DENND4C: variants seen among roughly 807,000 people sequenced by gnomAD.
The protein encoded by DENND4C is DENN domain containing 4C, also known as DENN domain-containing protein 4C.
DENND4C carries 108 observed loss-of-function variants against 203.0 expected under a neutral mutation model. The observed-to-expected ratio is 0.53, with a 90% confidence interval of 0.46 to 0.62. The LOEUF is 0.62. Among genes scored for constraint, DENND4C ranks in the 20% least tolerant of loss-of-function variants. The probability of loss-of-function intolerance (pLI) is 0.00; values close to 1 mark genes in which losing one functional copy is unlikely to be tolerated. For missense variants in DENND4C, 2,481 were observed against 2,301.2 expected (o/e 1.08, Z -1.60); for synonymous variants, 871 against 792.4 (o/e 1.10, Z -1.67).
intron 1 of DENND4C, among the ~76,000 whole-genome samples, chr9:19,266,731 A>G (rs1830582118): frequency 6.6e-6 from 1 of 152,188 alleles, no homozygotes; most frequent in African/African-American, 2.4e-5. Flanking sequence ...TGGGGAAAGG[A>G]TTCCTTATTT....
chr9:19,244,124 G>A (rs991342815), intron 1 of DENND4C, among the ~76,000 whole-genome samples: 12 of 151,842 alleles, frequency 7.9e-5, no homozygotes, highest in Non-Finnish European at 1.5e-4. Context: ...TCCGCCTCCC[G>A]GGTTTAAGCG....
chr9:19,307,961 A>G (rs1840024127), intron 10 of DENND4C, among the ~76,000 whole-genome samples: 1 of 151,868 alleles, frequency 6.6e-6, no homozygotes, highest in South Asian at 2.1e-4. Flanking sequence ...CATTTATTAT[A>G]TATATATTAA....
chr9:19,335,862 G>T (rs796491691), intron 18 of DENND4C, among the ~76,000 whole-genome samples: 16 of 152,096 alleles, frequency 1.1e-4, no homozygotes, highest in African/African-American at 3.9e-4. Context: ...CATTTCTTTT[G>T]CATATCTATA....
At chr9:19,344,974 C>T (rs933976300) in intron 22 of DENND4C, among the ~76,000 whole-genome samples, 15 of 152,100 alleles carry the variant, frequency 9.9e-5, no homozygotes, top group African/African-American at 3.6e-4. Context: ...GAGAGCTCTC[C>T]TTTAAGGGCT....
rs1820307278 is a variant in DENND4C at position 19,230,789 on chromosome 9, G to A, written c.-62G>A. On this transcript the variant is annotated 5_prime_UTR_variant, in exon 1 of 33. Transcript: ENST00000434457. ...CGAATCCGGTGCTTTCTTGCCCCAG[G>A]AAGAAGCCGTGTCGGGGCTGCGCTG... 1 of 152,448 alleles carries A rather than the reference G, an allele frequency of 6.6e-6. No homozygotes were observed. The highest frequency in any genetic ancestry group is 1.5e-5 in the Non-Finnish European group (1 of 68,206). 9.4% of individuals were successfully genotyped at this position (152,448 alleles called of 1,614,324 possible). A position where few individuals can be genotyped will look rare whatever the true frequency, so the allele number is the denominator to read the frequency against.
At chr9:19,307,079 C>T (rs113529670) in intron 10 of DENND4C, among the ~76,000 whole-genome samples, 2,570 of 152,026 alleles carry the variant, frequency 0.017, 69 homozygotes, top group African/African-American at 0.059. Flanking sequence ...CCACTGTGCC[C>T]GGCATGCTCA....
intron 13 of DENND4C, among the ~76,000 whole-genome samples, chr9:19,325,185 A>G (rs996842241): frequency 2.6e-5 from 4 of 151,970 alleles, no homozygotes; most frequent in Admixed American, 2.6e-4. Flanking sequence ...TGGGTAATAG[A>G]AGTTCTATGT....
intron 2 of DENND4C, among the ~76,000 whole-genome samples, chr9:19,279,260 C>G (rs112091859): frequency 1.2e-5 from 1 of 82,530 alleles, no homozygotes; most frequent in East Asian, 6.0e-4. Flanking sequence ...ACCCGGGAGG[C>G]GGAGGTTGCA....
intron 1 of DENND4C, among the ~76,000 whole-genome samples, chr9:19,244,594 G>A (rs529486572): frequency 1.8e-4 from 27 of 151,988 alleles, no homozygotes; most frequent in African/African-American, 6.0e-4. Flanking sequence ...CAAAAAATTA[G>A]CCGGGCGTGG....
At chr9:19,260,886 T>G (rs1382244437) in intron 1 of DENND4C, among the ~76,000 whole-genome samples, 1 of 152,172 alleles carries the variant, frequency 6.6e-6, no homozygotes, top group Non-Finnish European at 1.5e-5. Flanking sequence ...AAATCCGGTC[T>G]GGATGACAGA....
chr9:19,299,269 C>G lies in DENND4C; in HGVS notation c.1148C>G (p.Ser383Cys). Residue 383 changes from serine to cysteine, a missense_variant, in exon 8 of 33, where the codon TCT becomes TGT. Around this residue, in one of 3 missense-constraint regions of DENND4C, gnomAD observed 2,289 missense variants for 2,113.3 expected, o/e 1.08. Transcript: ENST00000434457. The part of the protein sequence containing the change: ...HDALILSQPV[S>C]TPLPLSGANF... ...GCATTAATATTATCACAGCCAGTTT[C>G]TACACCTTTACCACTAAGGTAATTA... 1 of 1,576,194 alleles carries G rather than the reference C, an allele frequency of 6.3e-7. No homozygotes were observed. The highest frequency in any genetic ancestry group is 8.6e-7 in the Non-Finnish European group (1 of 1,163,554).
At chr9:19,353,425 C>T (rs748590867) in intron 26 of DENND4C, among the ~76,000 whole-genome samples, 5 of 152,236 alleles carry the variant, frequency 3.3e-5, no homozygotes, top group African/African-American at 7.2e-5. Context: ...CTCAGGAGTT[C>T]GAGACCAGCC....
chr9:19,365,621 ATATT>A (rs1332544673), intron 30 of DENND4C, among the ~76,000 whole-genome samples: 12 of 150,878 alleles, frequency 8.0e-5, no homozygotes, highest in African/African-American at 2.4e-4. Flanking sequence ...ATGATAAATG[ATATT>A]TATTTTTTCT....
intron 26 of DENND4C, among the ~76,000 whole-genome samples, chr9:19,353,232 TGA>T (rs1824579389): frequency 6.6e-6 from 1 of 152,218 alleles, no homozygotes; most frequent in Non-Finnish European, 1.5e-5. Flanking sequence ...ATAAAATAAT[TGA>T]GAGTTTGGTG....
intron 1 of DENND4C, among the ~76,000 whole-genome samples, chr9:19,244,363 G>C (rs1201492087): frequency 1.3e-5 from 2 of 151,898 alleles, no homozygotes; most frequent in Admixed American, 6.6e-5. Context: ...TCTCTTGTTT[G>C]TTCCTTTTTG....
At chr9:19,243,050 G>C (rs1824166646) in intron 1 of DENND4C, among the ~76,000 whole-genome samples, 1 of 152,098 alleles carries the variant, frequency 6.6e-6, no homozygotes, top group Non-Finnish European at 1.5e-5. Context: ...TTTTCCAGTA[G>C]ATTTACAGTT....
chr9:19,330,403 G>A (rs574396531), intron 16 of DENND4C, among the ~76,000 whole-genome samples: 145 of 134,952 alleles, frequency 1.1e-3, no homozygotes, highest in African/African-American at 3.8e-3. Flanking sequence ...GCAGTGGCAC[G>A]ATTTCGGCTC....
intron 1 of DENND4C, among the ~76,000 whole-genome samples, chr9:19,262,881 T>C (rs1564097845): frequency 6.6e-6 from 1 of 152,210 alleles, no homozygotes; most frequent in Non-Finnish European, 1.5e-5. Context: ...ATATCATTTA[T>C]AAATAAGAGT....
chr9:19,283,373 A>G (rs1337946863), intron 2 of DENND4C, among the ~76,000 whole-genome samples: 1 of 152,054 alleles, frequency 6.6e-6, no homozygotes, highest in African/African-American at 2.4e-5. Flanking sequence ...GACCTGCCTG[A>G]GACTGTTTTA....
Sources: allele counts gnomAD v4.1 joint callset (sites outside exome capture counted in the v4.1 genomes callset), GRCh38; gene constraint gnomAD v4.1.1; regional missense constraint gnomAD v4.1.1; transcripts MANE v1.5; gene names NCBI Gene and HGNC (gene_info 2026-07-23, HGNC 2026-07-21).